GOLGA4: variants seen among roughly 807,000 people sequenced by gnomAD.
GOLGA4 encodes golgin A4.
GOLGA4 carries 169 observed loss-of-function variants against 265.9 expected under a neutral mutation model. The ratio of observed to expected loss-of-function variants is 0.64; its 90% CI spans 0.56 to 0.72. GOLGA4 has a LOEUF of 0.72. Ranked by LOEUF, GOLGA4 falls within the 30% of genes least tolerant of loss-of-function variation. GOLGA4 has a pLI of 0.00. For missense variants in GOLGA4, 2,482 were observed against 2,483.4 expected, an observed-to-expected ratio of 1.00 and a Z score of 0.01; for synonymous variants, 923 against 855.8, an observed-to-expected ratio of 1.08 and a Z score of -1.37.
intron 2 of GOLGA4, among the ~76,000 whole-genome samples, chr3:37,260,157 TAA>T (rs11359349): frequency 2.7e-3 from 334 of 124,016 alleles, no homozygotes; most frequent in African/African-American, 3.7e-3. Context: ...GTTGATGAGC[TAA>T]AAAAAAAAAA....
At position 37,328,413 on chromosome 3, in the gene GOLGA4, C is replaced by CATT. The variant is rs750409052; in HGVS notation, c.5940-2_5940-1insTTA. ...CAGTTAACGGTACATTTTTATTACT[C>CATT]AGACAGGAGCAGGAAGATCTTGAAC... On this transcript the variant is annotated splice_region_variant and splice_polypyrimidine_tract_variant and intron_variant, in intron 14 of 23. Coordinates refer to ENST00000361924, the MANE Select transcript of GOLGA4 (RefSeq NM_002078.5). 3 of 1,609,818 alleles carry CATT rather than the reference C, an allele frequency of 1.9e-6. No homozygotes were observed. Among genetic ancestry groups the CATT allele is most frequent in the Non-Finnish European group, 2.5e-6 (3 of 1,178,318 alleles).
chr3:37,255,514 T>G (rs1056012238), intron 2 of GOLGA4, among the ~76,000 whole-genome samples: 5 of 151,860 alleles, frequency 3.3e-5, no homozygotes, highest in African/African-American at 1.2e-4. Context: ...CAAAGACAGA[T>G]TTATTTGGGT....
chr3:37,333,375 A>G (rs1011429415), intron 16 of GOLGA4, among the ~76,000 whole-genome samples: 1 of 152,202 alleles, frequency 6.6e-6, no homozygotes, highest in African/African-American at 2.4e-5. Context: ...CAAAGCAACA[A>G]TATACTTTTT....
At position 37,324,510 on chromosome 3, in the gene GOLGA4, G is replaced by A; in HGVS notation, c.2624G>A (p.Ser875Asn). 1.2e-6 allele frequency: 2 copies of A among 1,613,872 alleles called. No individual in the cohort carries two copies. Among genetic ancestry groups the A allele is most frequent in the Non-Finnish European group, 1.7e-6 (2 of 1,179,908 alleles). Reference sequence around the variant, plus strand: ...ATGCAGCAACTTGAAAAACAAAATAGTGAAATGGAGCAAAAAGTAAAATCT... The same window carrying A: ...ATGCAGCAACTTGAAAAACAAAATAATGAAATGGAGCAAAAAGTAAAATCT... ...DLMQQLEKQN[S>N]EMEQKVKSLT... Residue 875 changes from serine to asparagine, a missense_variant, in exon 14 of 24, where the codon AGT (serine) becomes AAT (asparagine). Transcript: ENST00000361924.
chr3:37,316,792 C>T (rs1040813736), intron 11 of GOLGA4, among the ~76,000 whole-genome samples: 1 of 151,640 alleles, frequency 6.6e-6, no homozygotes, highest in African/African-American at 2.4e-5. Flanking sequence ...TATAATTTCT[C>T]TTCTCTGATT....
At position 37,243,533 on chromosome 3, in the gene GOLGA4, C is replaced by T. The variant is rs746887268; in HGVS notation, c.-18C>T. On this transcript the variant is annotated 5_prime_UTR_variant, in exon 1 of 24. Transcript: ENST00000361924. ...CTTCAGGTTTCGTTGACACTCAGGA[C>T]CGTACGTACGCTGCGCCATGTTCAA... 8 of 1,612,826 alleles carry T rather than the reference C, an allele frequency of 5.0e-6. No homozygotes were observed. In the African/African-American group the frequency reaches 6.7e-5, roughly 13 times the overall value.
At chr3:37,364,734 A>C (rs978787203) in intron 23 of GOLGA4, among the ~76,000 whole-genome samples, 6 of 150,638 alleles carry the variant, frequency 4.0e-5, no homozygotes, top group Non-Finnish European at 8.9e-5. Flanking sequence ...CCACAGACAC[A>C]TGCCACCACA....
intron 2 of GOLGA4, among the ~76,000 whole-genome samples, chr3:37,278,851 C>T (rs1250225125): frequency 1.3e-4 from 19 of 144,870 alleles, no homozygotes; most frequent in African/African-American, 4.6e-4. Context: ...CTCTCTGTGT[C>T]ACCCAGGCTG....
intron 21 of GOLGA4, 74 bp downstream of exon 21, chr3:37,347,370 T>C (rs1559464757): frequency 6.3e-6 from 5 of 795,966 alleles, no homozygotes; most frequent in South Asian, 1.5e-5. Flanking sequence ...AATACACATG[T>C]GAATGCCATA....
chr3:37,248,319 T>G (rs1406931731), intron 1 of GOLGA4, among the ~76,000 whole-genome samples: 2 of 152,172 alleles, frequency 1.3e-5, no homozygotes, highest in East Asian at 3.8e-4. Flanking sequence ...CTGTGGTCAG[T>G]TAATAATTAG....
chr3:37,322,005 C>T lies in GOLGA4; in HGVS notation c.1701+119C>T, dbSNP rs1398715288. On this transcript the variant is annotated intron_variant, in intron 13 of 23. Coordinates refer to ENST00000361924, the MANE Select transcript of GOLGA4 (RefSeq NM_002078.5). ...TGGATTAGATTTATGTATACATGCCCTTCATTTTTAGGTAGTGTGAGCTAT... is the reference window on the plus strand; with the variant it reads ...TGGATTAGATTTATGTATACATGCCTTTCATTTTTAGGTAGTGTGAGCTAT... The T allele has an allele frequency of 6.4e-6, 5 of 778,662 alleles. No individual in the cohort carries two copies. In the South Asian group the frequency reaches 7.9e-5, roughly 12 times the overall value. The allele number at this position is 778,662 out of a possible 1,614,324, so 48.2% of individuals were successfully genotyped here.
chr3:37,302,743 T>C (rs2096896304), intron 10 of GOLGA4: 2 of 160,932 alleles, frequency 1.2e-5, no homozygotes, highest in Non-Finnish European at 2.7e-5. Context: ...ATTAAATAAT[T>C]GCTACCTTAT....
In GOLGA4 at chr3:37,324,386, G is replaced by C. The variant is rs2096963803; in HGVS notation, c.2500G>C (p.Glu834Gln). The C allele has an allele frequency of 1.9e-6, 3 of 1,614,134 alleles. No individual in the cohort carries two copies. In the South Asian group the frequency reaches 3.3e-5, roughly 18 times the overall value. Residue 834 changes from glutamate to glutamine, a missense_variant, in exon 14 of 24, where the codon GAA becomes CAA. Physicochemically the swap from Glu to Gln is conservative, Grantham distance 29. Around this residue, in one of 3 missense-constraint regions of GOLGA4, gnomAD observed 1,536 missense variants for 1,483.7 expected, o/e 1.04. Transcript: ENST00000361924. ...LQQKLLDLET[E>Q]RILLTKQVAE... The stretch of plus-strand genomic sequence containing the variant: ...GCAGAAGTTGTTGGATTTGGAAACA[G>C]AAAGAATTCTTCTTACCAAACAGGT...
intron 2 of GOLGA4, among the ~76,000 whole-genome samples, chr3:37,258,328 G>C (rs1480950106): frequency 2.7e-5 from 4 of 150,626 alleles, no homozygotes; most frequent in African/African-American, 7.3e-5. Context: ...TATATATGCT[G>C]TCTGTATATA....
At chr3:37,257,493 T>A (rs2096752053) in intron 2 of GOLGA4, among the ~76,000 whole-genome samples, 2 of 152,114 alleles carry the variant, frequency 1.3e-5, no homozygotes, top group African/African-American at 2.4e-5. Context: ...TTTTGGGGAT[T>A]ACCAGTAAGA....
intron 2 of GOLGA4, chr3:37,276,515 C>G (rs2096819387): frequency 6.2e-7 from 1 of 1,607,400 alleles, no homozygotes; most frequent in Non-Finnish European, 8.5e-7. Context: ...CACTTACACA[C>G]AGGTACAAAC....
intron 6 of GOLGA4, 50 bp downstream of exon 6, chr3:37,295,127 G>A: frequency 9.4e-7 from 1 of 1,064,102 alleles, no homozygotes; most frequent in Non-Finnish European, 1.4e-6. Context: ...AAGAAAAATA[G>A]AGGGGGTTTG....
At chr3:37,362,382 G>A (rs1247568301) in intron 23 of GOLGA4, among the ~76,000 whole-genome samples, 9 of 148,524 alleles carry the variant, frequency 6.1e-5, no homozygotes, top group South Asian at 2.1e-4. Flanking sequence ...GACTACAGGC[G>A]CCCGCCACTA....
In GOLGA4 at chr3:37,324,084, A is replaced by T. The variant is rs1372319891; in HGVS notation, c.2198A>T (p.Gln733Leu). The T allele has an allele frequency of 6.2e-7, 1 of 1,614,058 alleles. No individual in the cohort carries two copies. Among genetic ancestry groups the T allele is most frequent in the Non-Finnish European group, 8.5e-7 (1 of 1,180,036 alleles). The change falls in exon 14 of 24, where the codon CAG (glutamine) becomes CTG (leucine). Residue 733 changes from glutamine to leucine, a missense_variant. Around this residue, in one of 3 missense-constraint regions of GOLGA4, gnomAD observed 1,536 missense variants for 1,483.7 expected, o/e 1.04. Coordinates refer to ENST00000361924, the MANE Select transcript of GOLGA4 (RefSeq NM_002078.5). ...AKMDEQKNHH[Q>L]QQVDSIIKEH... ...ATGGATGAACAGAAAAATCATCACC[A>T]GCAGCAAGTTGACAGTATCATTAAA...
Sources: allele counts gnomAD v4.1 joint callset (sites outside exome capture counted in the v4.1 genomes callset), GRCh38; gene constraint gnomAD v4.1.1; regional missense constraint gnomAD v4.1.1; transcripts MANE v1.5; gene names NCBI Gene and HGNC (gene_info 2026-07-23, HGNC 2026-07-21).